Variants in PLA2G5 observed in about 807,000 individuals in gnomAD.
PLA2G5 encodes the protein Ca2+-dependent phospholipase A2.
A neutral mutation model predicts 15.9 loss-of-function variants in PLA2G5; 12 were observed. The ratio of observed to expected loss-of-function variants is 0.76; its 90% CI spans 0.48 to 1.23. The LOEUF (loss-of-function observed/expected upper bound fraction) is 1.23. PLA2G5 is among the 50% of genes most tolerant of loss of function. PLA2G5 has a pLI of 0.00. For synonymous variants in PLA2G5, 71 were observed against 71.4 expected (o/e 0.99, Z 0.03); for missense variants, 169 against 177.1 (o/e 0.95, Z 0.26).
chr1:20,036,630 A>C (rs1012960166), intron 1 of PLA2G5, among the ~76,000 whole-genome samples: 5 of 151,442 alleles, frequency 3.3e-5, no homozygotes, highest in African/African-American at 1.2e-4. Context: ...TTCTCTAGAG[A>C]CTTCTTTGTC....
At chr1:20,042,931 G>A (rs1489898844) in intron 1 of PLA2G5, among the ~76,000 whole-genome samples, 1 of 152,144 alleles carries the variant, frequency 6.6e-6, no homozygotes, top group Non-Finnish European at 1.5e-5. Context: ...AAGATTTGTA[G>A]GAGGGGCTAT....
At chr1:20,041,654 G>T (rs1032077632) in intron 1 of PLA2G5, among the ~76,000 whole-genome samples, 1 of 152,172 alleles carries the variant, frequency 6.6e-6, no homozygotes, top group Non-Finnish European at 1.5e-5. Flanking sequence ...TAAGAGACAG[G>T]CTAGTGGCTT....
intron 1 of PLA2G5, among the ~76,000 whole-genome samples, chr1:20,049,524 G>A (rs953353361): frequency 1.3e-5 from 2 of 152,146 alleles, no homozygotes; most frequent in African/African-American, 4.8e-5. Flanking sequence ...TCATGGGAAG[G>A]ACACAGTGGG....
Position 20,033,910 on chromosome 1 carries a change from C to T in PLA2G5, n.276+5201C>T, listed in dbSNP as rs969499432. 2.0e-5 allele frequency among the ~76,000 whole-genome samples: 3 copies of T among 152,136 alleles called. No individual in the cohort carries two copies. The East Asian group carries it at 5.8e-4, about 30-fold the overall frequency. On this transcript the variant is annotated intron_variant and non_coding_transcript_variant, in intron 1 of 6. Transcript: ENST00000460175. ...CCAGCAAGCTAAAGTCGGGAATTCA[C>T]AGTCGGAAGTATCCCACAAGGCCCA... is the stretch of plus-strand genomic sequence containing the variant.
chr1:20,062,619 C>A (rs1286666257), intron 2 of PLA2G5, among the ~76,000 whole-genome samples: 1 of 152,098 alleles, frequency 6.6e-6, no homozygotes, highest in Admixed American at 6.6e-5. Context: ...CATAGGGAAA[C>A]CTCGTTAAGT....
At chr1:20,058,007 T>C (rs1220177786) in intron 1 of PLA2G5, among the ~76,000 whole-genome samples, 2 of 152,234 alleles carry the variant, frequency 1.3e-5, no homozygotes, top group Non-Finnish European at 2.9e-5. Context: ...ATGATTTCTA[T>C]TCTTTTACAC....
chr1:20,075,981 C>T (rs1268797121), intron 1 of PLA2G5, among the ~76,000 whole-genome samples: 1 of 150,728 alleles, frequency 6.6e-6, no homozygotes, highest in African/African-American at 2.4e-5. Context: ...AAGCGATTCT[C>T]CTGCCTCAGC....
intron 1 of PLA2G5, among the ~76,000 whole-genome samples, chr1:20,074,792 GTT>G (rs2015580963): frequency 6.6e-6 from 1 of 152,242 alleles, no homozygotes; most frequent in Non-Finnish European, 1.5e-5. Flanking sequence ...CCTGGTGGGT[GTT>G]GGTTCCGCAA....
intron 1 of PLA2G5, among the ~76,000 whole-genome samples, chr1:20,074,688 C>T (rs1276915535): frequency 6.6e-6 from 1 of 152,228 alleles, no homozygotes; most frequent in Non-Finnish European, 1.5e-5. Flanking sequence ...AAACTCACCA[C>T]TCCCAAGACA....
At chr1:20,075,964 C>T (rs765752497) in intron 1 of PLA2G5, among the ~76,000 whole-genome samples, 7 of 151,028 alleles carry the variant, frequency 4.6e-5, no homozygotes, top group Non-Finnish European at 7.4e-5. Context: ...CCCCGCCTTC[C>T]GGGTTCAAGC....
Position 20,090,750 on chromosome 1 carries a change from G to A in PLA2G5, c.*58G>A. On this transcript the variant is annotated 3_prime_UTR_variant, in exon 5 of 5. Transcript: ENST00000375108. ...TTTTGTTCTGTTTTTCTACAACACA[G>A]AGTACTGACTCTGCCTGGTTCCTGA... is the stretch of plus-strand genomic sequence containing the variant. 1 of 1,579,878 alleles carries A rather than the reference G, an allele frequency of 6.3e-7. No individual in the cohort carries two copies.
intron 2 of PLA2G5, among the ~76,000 whole-genome samples, chr1:20,065,141 T>G (rs2014953885): frequency 6.6e-6 from 1 of 152,194 alleles, no homozygotes; most frequent in South Asian, 2.1e-4. Context: ...TAGAACAGCT[T>G]TAGATTTACA....
chr1:20,029,078 G>A (rs1201517597), intron 1 of PLA2G5, among the ~76,000 whole-genome samples: 1 of 152,202 alleles, frequency 6.6e-6, no homozygotes, highest in Non-Finnish European at 1.5e-5. Context: ...TGCAAGGACA[G>A]AGGGCTTTCT....
intron 2 of PLA2G5, among the ~76,000 whole-genome samples, chr1:20,063,005 C>T (rs998535903): frequency 6.6e-6 from 1 of 152,046 alleles, no homozygotes; most frequent in Non-Finnish European, 1.5e-5. Context: ...TGGGGAAGCA[C>T]CTACTCATAG....
At position 20,046,873 on chromosome 1, in the gene PLA2G5, T is replaced by C. The variant is rs2013931461; in HGVS notation, n.277-12759T>C. On this transcript the variant is annotated intron_variant and non_coding_transcript_variant, in intron 1 of 6. Coordinates refer to the PLA2G5 transcript ENST00000460175. ...AAGGATCCTAATTCTAGTTTGGAGA[T>C]ACATTCTAAAGGGTCTTCTCTATTT... 4.6e-5 allele frequency among the ~76,000 whole-genome samples: 7 copies of C among 152,326 alleles called. No homozygotes were observed. The South Asian group carries it at 1.2e-3, about 27-fold the overall frequency.
Position 20,089,906 on chromosome 1 carries a change from G to T in PLA2G5, c.292+11G>T, listed in dbSNP as rs778481664. The T allele has an allele frequency of 1.6e-5, 25 of 1,599,704 alleles. No homozygotes were observed. Among genetic ancestry groups the T allele is most frequent in the Non-Finnish European group, 2.1e-5 (25 of 1,168,674 alleles). On this transcript the variant is annotated intron_variant, in intron 4 of 4. Coordinates refer to ENST00000375108, the MANE Select transcript of PLA2G5 (RefSeq NM_000929.3). ...GCGTGGTCACCTGCGGTAAGGCTGG[G>T]GCTTCCCGTTCGGGCCATTGGAAGA...
chr1:20,042,351 G>A (rs2013646196), intron 1 of PLA2G5, among the ~76,000 whole-genome samples: 1 of 152,170 alleles, frequency 6.6e-6, no homozygotes, highest in South Asian at 2.1e-4. Flanking sequence ...GTGAATGTCA[G>A]GTGGATCAGA....
chr1:20,037,666 T>C (rs939989929), intron 1 of PLA2G5, among the ~76,000 whole-genome samples: 2 of 152,200 alleles, frequency 1.3e-5, no homozygotes, highest in African/African-American at 2.4e-5. Flanking sequence ...GTTGCTATAA[T>C]GGCTTGCATT....
At chr1:20,077,420 G>T (rs144693266) in intron 1 of PLA2G5, among the ~76,000 whole-genome samples, 5 of 152,308 alleles carry the variant, frequency 3.3e-5, no homozygotes, top group African/African-American at 1.2e-4. Context: ...GGACTGGGCA[G>T]TGGGGTGAGA....
Sources: allele counts gnomAD v4.1 joint callset (sites outside exome capture counted in the v4.1 genomes callset), GRCh38; gene constraint gnomAD v4.1.1; transcripts MANE v1.5; gene names NCBI Gene and HGNC (gene_info 2026-07-23, HGNC 2026-07-21).